THRB: variants seen among roughly 807,000 people sequenced by gnomAD.
THRB encodes thyroid hormone receptor beta.
Under a neutral mutation model 47.8 loss-of-function variants are expected in THRB, and 12 were observed. The observed-to-expected ratio is 0.25, with a 90% CI of 0.16 to 0.41. The LOEUF (loss-of-function observed/expected upper bound fraction) is 0.41. Among genes scored for constraint, THRB ranks in the 10% least tolerant of loss-of-function variants. The pLI is 1.00. For synonymous variants in THRB, 218 were observed against 212.2 expected, an observed-to-expected ratio of 1.03 and a Z score of -0.24; for missense variants, 348 against 589.2, an observed-to-expected ratio of 0.59 and a Z score of 4.24.
chr3:24,179,841 C>A (rs943296993), intron 5 of THRB, among the ~76,000 whole-genome samples: 1 of 152,084 alleles, frequency 6.6e-6, no homozygotes, highest in African/African-American at 2.4e-5. Context: ...TTAAAAAAAT[C>A]ATAGAACGGG....
At chr3:24,454,034 G>GGAAATATAAAAC (rs1275525956) in intron 1 of THRB, among the ~76,000 whole-genome samples, 1 of 151,986 alleles carries the variant, frequency 6.6e-6, no homozygotes, top group Non-Finnish European at 1.5e-5. Context: ...CATTCCAGGA[G>GGAAATATAAAAC]GAAATATAAA....
intron 1 of THRB, among the ~76,000 whole-genome samples, chr3:24,422,803 C>T (rs2069393157): frequency 6.6e-6 from 1 of 151,822 alleles, no homozygotes; most frequent in South Asian, 2.1e-4. Context: ...AAGATGGCCA[C>T]CATCAATTTT....
intron 5 of THRB, among the ~76,000 whole-genome samples, chr3:24,177,178 C>T (rs566746420): frequency 2.6e-5 from 4 of 152,268 alleles, no homozygotes; most frequent in African/African-American, 9.6e-5. Flanking sequence ...GTATCCCACA[C>T]ACTGAATACT....
At chr3:24,485,120 A>G (rs1697092271) in intron 1 of THRB, among the ~76,000 whole-genome samples, 1 of 152,214 alleles carries the variant, frequency 6.6e-6, no homozygotes, top group Non-Finnish European at 1.5e-5. Flanking sequence ...TGCTATTTCA[A>G]TGTAATCATA....
chr3:24,456,679 G>A (rs978609826), intron 1 of THRB, among the ~76,000 whole-genome samples: 5 of 150,946 alleles, frequency 3.3e-5, no homozygotes, highest in African/African-American at 2.4e-5. Flanking sequence ...TAATTATCTT[G>A]TATAAGATAG....
intron 1 of THRB, among the ~76,000 whole-genome samples, chr3:24,452,103 G>A (rs1577673290): frequency 6.6e-6 from 1 of 152,184 alleles, no homozygotes; most frequent in Admixed American, 6.5e-5. Flanking sequence ...GAGTCTTGGG[G>A]GCTGGGGAGT....
At chr3:24,370,288 T>C (rs995924674) in intron 1 of THRB, among the ~76,000 whole-genome samples, 1 of 152,160 alleles carries the variant, frequency 6.6e-6, no homozygotes, top group Non-Finnish European at 1.5e-5. Flanking sequence ...CTGCCCATGG[T>C]ATGTCACTGC....
At chr3:24,348,843 A>G in intron 1 of THRB, 1 of 152,270 alleles carries the variant, frequency 6.6e-6, no homozygotes, top group Admixed American at 6.5e-5. Context: ...AATTTCTATA[A>G]CCACCTCTAT....
intron 1 of THRB, among the ~76,000 whole-genome samples, chr3:24,476,035 C>T (rs1458150802): frequency 1.3e-5 from 2 of 152,216 alleles, no homozygotes; most frequent in Non-Finnish European, 2.9e-5. Flanking sequence ...CTGCTAGGTC[C>T]ACCCAGCTGC....
intron 1 of THRB, among the ~76,000 whole-genome samples, chr3:24,350,426 T>C (rs2063290724): frequency 6.6e-6 from 1 of 152,074 alleles, no homozygotes; most frequent in South Asian, 2.1e-4. Context: ...TGCATAATAA[T>C]GAAAAGCTGA....
intron 3 of THRB, among the ~76,000 whole-genome samples, chr3:24,281,697 G>A (rs373657892): frequency 6.8e-5 from 7 of 103,156 alleles, no homozygotes; most frequent in East Asian, 3.3e-4. Flanking sequence ...CCCATCTCAC[G>A]TGCAGAGACA....
intron 3 of THRB, among the ~76,000 whole-genome samples, chr3:24,286,726 A>G (rs1223185846): frequency 6.6e-6 from 1 of 152,160 alleles, no homozygotes; most frequent in Non-Finnish European, 1.5e-5. Flanking sequence ...ATAAAATAGA[A>G]ATTTTATGTC....
At chr3:24,489,240 C>CAA (rs72133987) in intron 1 of THRB, among the ~76,000 whole-genome samples, 5 of 137,940 alleles carry the variant, frequency 3.6e-5, no homozygotes, top group East Asian at 2.1e-4. Context: ...GACTCTGTCG[C>CAA]AAAAAAAAAA....
chr3:24,285,331 A>T (rs1207420231), intron 3 of THRB, among the ~76,000 whole-genome samples: 1 of 151,342 alleles, frequency 6.6e-6, no homozygotes. Flanking sequence ...CTATCACAAG[A>T]ACAAAAAACC....
intron 10 of THRB, 41 bp from the exon 11 acceptor site, chr3:24,123,166 A>G: frequency 6.2e-7 from 1 of 1,612,144 alleles, no homozygotes; most frequent in Non-Finnish European, 8.5e-7. Context: ...TCAGAGATGG[A>G]AGGGGGAAGG....
chr3:24,375,397 T>TATAATATTAATATATTA (rs2065206213), intron 1 of THRB, among the ~76,000 whole-genome samples: 1 of 118,490 alleles, frequency 8.4e-6, no homozygotes, highest in African/African-American at 2.8e-5. Flanking sequence ...TATATTATAG[T>TATAATATTAATATATTA]TAGACATATA....
At chr3:24,422,833 T>C (rs2069397679) in intron 1 of THRB, among the ~76,000 whole-genome samples, 1 of 151,866 alleles carries the variant, frequency 6.6e-6, no homozygotes, top group Non-Finnish European at 1.5e-5. Flanking sequence ...TATATGCACA[T>C]GCCACCCCCT....
chr3:24,278,133 TA>T (rs1421731082), intron 3 of THRB, among the ~76,000 whole-genome samples: 1 of 152,196 alleles, frequency 6.6e-6, no homozygotes, highest in Non-Finnish European at 1.5e-5. Flanking sequence ...GGAACTGAAT[TA>T]CAGATTACAC....
At chr3:24,269,415 A>G (rs1214390878) in intron 3 of THRB, among the ~76,000 whole-genome samples, 145 of 141,694 alleles carry the variant, frequency 1.0e-3, no homozygotes, top group Admixed American at 3.0e-3. Flanking sequence ...ACACACACAC[A>G]CACACACACA....
Sources: gnomAD v4.1 joint callset for allele counts (sites outside exome capture counted in the v4.1 genomes callset) on GRCh38, gnomAD v4.1.1 for gene constraint, MANE v1.5 for transcripts, NCBI Gene and HGNC (gene_info 2026-07-23, HGNC 2026-07-21) for gene names.